RANBP1: variants seen among roughly 807,000 people sequenced by gnomAD.
The protein encoded by RANBP1 is ran-specific GTPase-activating protein.
RANBP1 carries 16 observed loss-of-function variants against 31.4 expected under a neutral mutation model. The ratio of observed to expected loss-of-function variants is 0.51; its 90% CI spans 0.34 to 0.77. RANBP1 has a LOEUF of 0.77. RANBP1 is among the 30% of genes least tolerant of loss of function. The probability of loss-of-function intolerance (pLI) is 0.01; values close to 1 mark genes in which losing one functional copy is unlikely to be tolerated. For missense variants in RANBP1, 265 were observed against 362.0 expected (o/e 0.73, Z 2.17); for synonymous variants, 129 against 140.5 (o/e 0.92, Z 0.58).
chr22:20,126,237 A>G (rs1198731242), intron 4 of RANBP1, 66 bp from the exon 5 acceptor site: 2 of 1,551,792 alleles, frequency 1.3e-6, no homozygotes, highest in Admixed American at 1.8e-5. Context: ...GACTCTTCAG[A>G]CCCGGCAGGG....
intron 3 of RANBP1, 48 bp from the exon 4 acceptor site, chr22:20,125,260 T>C (rs372478617): frequency 1.9e-6 from 3 of 1,609,068 alleles, no homozygotes; most frequent in South Asian, 1.1e-5. Flanking sequence ...CTGGGTGGGC[T>C]GGCCTTTGCA....
At chr22:20,117,895 C>A (rs1352784882) in intron 1 of RANBP1, 2 of 1,018,400 alleles carry the variant, frequency 2.0e-6, no homozygotes, top group East Asian at 9.8e-5. Flanking sequence ...GGCTGCAGGG[C>A]CCCCGCGTGA....
At chr22:20,123,102 T>G (rs1465636568) in intron 3 of RANBP1, among the ~76,000 whole-genome samples, 3 of 75,696 alleles carry the variant, frequency 4.0e-5, no homozygotes, top group Admixed American at 1.7e-4. Context: ...ATGTGGTGTC[T>G]GGGGGTGTGT....
At position 20,127,017 on chromosome 22, in the gene RANBP1, G is replaced by A; in HGVS notation, c.802G>A (p.Glu268Lys). ...AEKLEALSVK[E>K]ETKEDAEEKQ is the part of the protein sequence containing the mutation. The stretch of plus-strand genomic sequence containing the variant: ...AAAGCTAGAAGCTCTCTCGGTGAAG[G>A]AGGAGACCAAGGAGGATGCTGAGGA... The change falls in exon 6 of 6, where the codon GAG becomes AAG. Residue 268 changes from glutamate to lysine, a missense_variant. By Grantham distance (56) the Glu-to-Lys change is moderately conservative. Coordinates refer to ENST00000430524, the MANE Select transcript of RANBP1 (RefSeq NM_001278639.2). The A allele has an allele frequency of 6.2e-7, 1 of 1,613,750 alleles. No individual in the cohort carries two copies. The highest frequency in any genetic ancestry group is 1.3e-5 in the African/African-American group (1 of 75,044).
intron 4 of RANBP1, 36 bp downstream of exon 4, chr22:20,125,472 G>T: frequency 1.9e-6 from 3 of 1,578,422 alleles, no homozygotes; most frequent in Non-Finnish European, 2.6e-6. Flanking sequence ...CCTGACTTGG[G>T]GCTCACCTGC....
intron 1 of RANBP1, chr22:20,118,203 G>A (rs2147973402): frequency 1.0e-6 from 1 of 1,002,334 alleles, no homozygotes; most frequent in East Asian, 1.1e-4. Flanking sequence ...CCGCTGCAGA[G>A]CCGCAGTGCT....
At chr22:20,119,510 A>G in intron 2 of RANBP1, 1 of 239,910 alleles carries the variant, frequency 4.2e-6, no homozygotes, top group South Asian at 5.3e-5. Flanking sequence ...GAAGCTTATA[A>G]ATCCCCCACC....
chr22:20,122,447 A>G, intron 3 of RANBP1, 26 bp downstream of exon 3: 2 of 1,611,192 alleles, frequency 1.2e-6, no homozygotes, highest in Non-Finnish European at 1.7e-6. Context: ...GACCACCTCG[A>G]CAGTCCCCAG....
intron 2 of RANBP1, chr22:20,119,444 C>T (rs1279917898): frequency 2.7e-6 from 1 of 375,296 alleles, no homozygotes; most frequent in Non-Finnish European, 4.9e-6. Context: ...TCCAGGGAGT[C>T]CCTTGGTTGA....
chr22:20,117,954 C>T (rs1053673856), intron 1 of RANBP1: 3 of 1,006,824 alleles, frequency 3.0e-6, no homozygotes, highest in East Asian at 2.1e-4. Context: ...ACGGCCCCAG[C>T]CTCCAGGAAC....
chr22:20,122,366 C>T lies in RANBP1; in HGVS notation c.486C>T (p.Ala162=), dbSNP rs138745087. 33 of 1,612,966 alleles carry T rather than the reference C, an allele frequency of 2.0e-5. No individual in the cohort carries two copies. In the African/African-American group the frequency reaches 4.0e-4, roughly 20 times the overall value. The change falls in exon 3 of 6, where the codon GCC becomes GCT. Residue 162 remains alanine, a synonymous_variant. Transcript: ENST00000430524. ...VKLLKHKEKG[A]IRLLMRRDKT... ...TCCTGAAGCACAAGGAGAAAGGGGC[C>T]ATCCGCCTCCTCATGCGGAGGGACA... is the stretch of plus-strand genomic sequence containing the variant.
In RANBP1 at chr22:20,117,866, G is replaced by A. The variant is rs564431389; in HGVS notation, c.247-1147G>A. 9 of 1,020,618 alleles carry A rather than the reference G, an allele frequency of 8.8e-6. No homozygotes were observed. In the South Asian group the frequency reaches 3.2e-4, roughly 37 times the overall value. The allele number at this position is 1,020,618 out of a possible 1,614,324, so 63.2% of individuals were successfully genotyped here. The stretch of plus-strand genomic sequence containing the variant: ...CGGAGTTGGGGCGTTTGGGGGTGCA[G>A]GCTCTGCAGAGGCCTGGGGGCTGCA... On this transcript the variant is annotated intron_variant, in intron 1 of 5. Coordinates refer to ENST00000430524, the MANE Select transcript of RANBP1 (RefSeq NM_001278639.2).
chr22:20,122,638 A>G (rs1331435973), intron 3 of RANBP1: 1 of 1,500,114 alleles, frequency 6.7e-7, no homozygotes, highest in African/African-American at 1.4e-5. Flanking sequence ...GGGGGTGTGG[A>G]GTCAGCCAGA....
At chr22:20,119,192 A>G in intron 2 of RANBP1, 43 bp downstream of exon 2, 2 of 1,585,944 alleles carry the variant, frequency 1.3e-6, no homozygotes. Flanking sequence ...TTTAAGGTTG[A>G]GGTTACAACT....
At chr22:20,118,136 T>C (rs906406899) in intron 1 of RANBP1, 1 of 1,001,026 alleles carries the variant, frequency 1.0e-6, no homozygotes, top group Non-Finnish European at 1.2e-6. Context: ...GCACAGGTCC[T>C]AGATGCGCCG....
intron 3 of RANBP1, chr22:20,125,020 A>G (rs2050265617): frequency 5.0e-6 from 2 of 396,322 alleles, no homozygotes; most frequent in East Asian, 1.2e-4. Context: ...GATCTTGAAC[A>G]CAGCTCAGGA....
chr22:20,126,903 T>C, intron 5 of RANBP1, 49 bp from the exon 6 acceptor site: 1 of 1,594,282 alleles, frequency 6.3e-7, no homozygotes, highest in Non-Finnish European at 8.6e-7. Context: ...GGCCATGTGC[T>C]TGAATGCACC....
At chr22:20,119,850 C>T (rs1380372817) in intron 2 of RANBP1, among the ~76,000 whole-genome samples, 3 of 152,308 alleles carry the variant, frequency 2.0e-5, no homozygotes, top group South Asian at 4.1e-4. Context: ...TGCGATAACA[C>T]ATGAAAATAG....
chr22:20,126,556 G>T (rs763309166), intron 5 of RANBP1, 188 bp downstream of exon 5: 1 of 1,561,814 alleles, frequency 6.4e-7, no homozygotes, highest in South Asian at 1.2e-5. Context: ...GCACTTGTCA[G>T]TGTTGCTGGC....
Sources: gnomAD v4.1 joint callset for allele counts (sites outside exome capture counted in the v4.1 genomes callset) on GRCh38, gnomAD v4.1.1 for gene constraint, MANE v1.5 for transcripts, NCBI Gene and HGNC (gene_info 2026-07-23, HGNC 2026-07-21) for gene names.